Variants in NALCN observed in about 807,000 individuals in gnomAD.
The protein encoded by NALCN is sodium leak channel NALCN.
NALCN carries 111 observed loss-of-function variants against 225.3 expected under a neutral mutation model. The ratio of observed to expected loss-of-function variants is 0.49; its 90% CI spans 0.42 to 0.58. The LOEUF (loss-of-function observed/expected upper bound fraction) is 0.58. Among genes scored for constraint, NALCN ranks in the 20% least tolerant of loss-of-function variants. NALCN has a pLI of 0.00. For synonymous variants in NALCN, 764 were observed against 769.0 expected (o/e 0.99, Z 0.11); for missense variants, 1,378 against 2,202.4 (o/e 0.63, Z 7.49).
intron 1 of NALCN, among the ~76,000 whole-genome samples, chr13:101,414,542 G>T (rs2047879036): frequency 1.0e-5 from 1 of 100,272 alleles, no homozygotes; most frequent in African/African-American, 4.0e-5. Context: ...CACACACAAA[G>T]CATGCCGGAA....
intron 37 of NALCN, among the ~76,000 whole-genome samples, chr13:101,070,136 C>G (rs901750846): frequency 1.5e-5 from 2 of 134,544 alleles, no homozygotes; most frequent in East Asian, 4.9e-4. Flanking sequence ...GTGCAATCTC[C>G]GCTCACTGCA....
At chr13:101,090,056 G>T in intron 28 of NALCN, 90 bp from the exon 29 acceptor site, 1 of 1,574,310 alleles carries the variant, frequency 6.4e-7, no homozygotes. Context: ...CATGAGTGTG[G>T]GATATGTGTG....
At chr13:101,091,948 TAA>T (rs1330021940) in intron 28 of NALCN, among the ~76,000 whole-genome samples, 1 of 152,184 alleles carries the variant, frequency 6.6e-6, no homozygotes, top group African/African-American at 2.4e-5. Flanking sequence ...ATTAAAAAAA[TAA>T]GTCTTTTTCA....
At chr13:101,386,219 A>G (rs1281692856) in intron 3 of NALCN, among the ~76,000 whole-genome samples, 2 of 152,240 alleles carry the variant, frequency 1.3e-5, no homozygotes, top group Non-Finnish European at 2.9e-5. Flanking sequence ...TGGAGAAATC[A>G]GTCGAGCTCC....
chr13:101,402,710 T>C (rs1049135319), intron 1 of NALCN, among the ~76,000 whole-genome samples: 2 of 152,146 alleles, frequency 1.3e-5, no homozygotes, highest in Non-Finnish European at 2.9e-5. Flanking sequence ...CAGCTACTAA[T>C]TTAGAGAGGT....
intron 39 of NALCN, among the ~76,000 whole-genome samples, chr13:101,066,723 C>G (rs1395155288): frequency 6.6e-6 from 1 of 152,110 alleles, no homozygotes; most frequent in Non-Finnish European, 1.5e-5. Flanking sequence ...AAGACTGAAG[C>G]CTGGGCGGGC....
intron 9 of NALCN, among the ~76,000 whole-genome samples, chr13:101,286,502 A>C (rs890111949): frequency 1.3e-5 from 2 of 152,286 alleles, no homozygotes; most frequent in Non-Finnish European, 2.9e-5. Context: ...TGCAAAGTGG[A>C]ACAGGAAGGA....
At chr13:101,279,770 T>C (rs2043091077) in intron 10 of NALCN, among the ~76,000 whole-genome samples, 1 of 148,076 alleles carries the variant, frequency 6.8e-6, no homozygotes, top group Non-Finnish European at 1.5e-5. Flanking sequence ...TGAGCCGAGA[T>C]CCCGCCACTG....
rs1231770253 is a variant in NALCN, at chr13:101,378,658, A to T, written c.292-5T>A. 1 of 1,605,718 alleles carries T rather than the reference A, an allele frequency of 6.2e-7. No individual in the cohort carries two copies. ...TTTCACATAGGAACTATCCCCCTAA[A>T]AATAAATTTTACATGGCATTATTAG... On this transcript the variant is annotated splice_polypyrimidine_tract_variant and splice_region_variant and intron_variant, in intron 3 of 43. Coordinates refer to ENST00000251127, the MANE Select transcript of NALCN (RefSeq NM_052867.4).
chr13:101,287,421 C>A (rs1295955392), intron 9 of NALCN, among the ~76,000 whole-genome samples: 1 of 152,158 alleles, frequency 6.6e-6, no homozygotes, highest in Admixed American at 6.5e-5. Flanking sequence ...AGCTGAGCAA[C>A]CTGGTTTTGA....
intron 43 of NALCN, chr13:101,057,630 C>T (rs1320929702): frequency 1.6e-5 from 6 of 368,334 alleles, no homozygotes; most frequent in African/African-American, 4.3e-5. Context: ...TTTGAGCATG[C>T]CTTGAGGCAC....
intron 42 of NALCN, chr13:101,058,708 A>C (rs1409955276): frequency 7.1e-6 from 1 of 141,812 alleles, no homozygotes; most frequent in African/African-American, 2.7e-5. Context: ...TTTTCATCTA[A>C]AAACAGAGGG....
intron 10 of NALCN, among the ~76,000 whole-genome samples, chr13:101,263,261 T>C (rs1348314724): frequency 1.3e-5 from 2 of 152,210 alleles, no homozygotes; most frequent in Non-Finnish European, 2.9e-5. Flanking sequence ...TCAACATGTT[T>C]ATATGCACAT....
intron 10 of NALCN, among the ~76,000 whole-genome samples, chr13:101,269,424 A>G (rs899398836): frequency 6.6e-6 from 1 of 152,170 alleles, no homozygotes; most frequent in Non-Finnish European, 1.5e-5. Context: ...CTCCTGTATT[A>G]AATGAAAGTA....
chr13:101,375,422 A>C (rs1269139901), intron 6 of NALCN, among the ~76,000 whole-genome samples: 1 of 152,182 alleles, frequency 6.6e-6, no homozygotes, highest in Non-Finnish European at 1.5e-5. Flanking sequence ...ACTCACAGAG[A>C]TATTCACTTA....
chr13:101,315,068 A>C (rs2044505759), intron 7 of NALCN, among the ~76,000 whole-genome samples: 2 of 152,208 alleles, frequency 1.3e-5, no homozygotes, highest in South Asian at 4.1e-4. Context: ...AAAATAAATA[A>C]TCATTATTTG....
chr13:101,338,203 C>T (rs1238778591), intron 7 of NALCN, among the ~76,000 whole-genome samples: 2 of 152,122 alleles, frequency 1.3e-5, no homozygotes, highest in African/African-American at 2.4e-5. Context: ...ATATACAGCT[C>T]GTGTAGTGTT....
chr13:101,297,282 C>T (rs1305590273), intron 7 of NALCN, among the ~76,000 whole-genome samples: 1 of 152,128 alleles, frequency 6.6e-6, no homozygotes, highest in Non-Finnish European at 1.5e-5. Context: ...AATGGTAATA[C>T]CTGATCTGCC....
At chr13:101,182,078 G>A (rs940807051) in intron 14 of NALCN, among the ~76,000 whole-genome samples, 1 of 136,320 alleles carries the variant, frequency 7.3e-6, no homozygotes, top group African/African-American at 2.8e-5. Context: ...AGCTTGCAGT[G>A]AGCCGAGATC....
Sources: allele counts gnomAD v4.1 joint callset (sites outside exome capture counted in the v4.1 genomes callset), GRCh38; gene constraint gnomAD v4.1.1; transcripts MANE v1.5; gene names NCBI Gene and HGNC (gene_info 2026-07-23, HGNC 2026-07-21).